Variants in PARD3 observed in about 807,000 individuals in gnomAD.
PARD3 encodes the protein partitioning defective 3 homolog.
A neutral mutation model predicts 155.4 loss-of-function variants in PARD3; 75 were observed. The ratio of observed to expected loss-of-function variants is 0.48; its 90% CI spans 0.40 to 0.58. The LOEUF (loss-of-function observed/expected upper bound fraction) is 0.58. Among genes scored for constraint, PARD3 ranks in the 20% least tolerant of loss-of-function variants. The pLI, the probability that PARD3 is intolerant of heterozygous loss-of-function variation, is 0.00. For synonymous variants in PARD3, 576 were observed against 610.5 expected (o/e 0.94, Z 0.83); for missense variants, 1,642 against 1,721.7 (o/e 0.95, Z 0.82).
At chr10:34,776,808 C>T (rs1839587195) in intron 1 of PARD3, among the ~76,000 whole-genome samples, 1 of 122,916 alleles carries the variant, frequency 8.1e-6, no homozygotes, top group South Asian at 2.6e-4. Context: ...GAGACTATTT[C>T]CAAGTATTTT....
At chr10:34,513,050 T>G (rs901791771) in intron 3 of PARD3, among the ~76,000 whole-genome samples, 4 of 152,184 alleles carry the variant, frequency 2.6e-5, no homozygotes. Context: ...CAAAAAAATA[T>G]ATTTATGGTC....
chr10:34,156,771 G>C (rs1949026121), intron 22 of PARD3, among the ~76,000 whole-genome samples: 1 of 152,108 alleles, frequency 6.6e-6, no homozygotes, highest in Non-Finnish European at 1.5e-5. Context: ...CTCTTCTCAT[G>C]AGACCAAACG....
In PARD3 at chr10:34,269,872, C is replaced by G. The variant is rs1955528423; in HGVS notation, c.3204G>C (p.Arg1068Ser). The G allele has an allele frequency of 6.2e-7, 1 of 1,613,530 alleles. No individual in the cohort carries two copies. The highest frequency in any genetic ancestry group is 1.3e-5 in the African/African-American group (1 of 74,902). The change falls in exon 22 of 25, where the codon AGG becomes AGC. Residue 1068 changes from arginine to serine, a missense_variant. By Grantham distance (110) the Arg-to-Ser change is moderately radical. Transcript: ENST00000374788. ...ERIQAKTREFRERQARERDYA... is the reference protein window; with the variant it reads ...ERIQAKTREFSERQARERDYA... ...AGTCACGCTCTCGAGCTTGTCGTTC[C>G]CTAAATTCTCGAGTTTTGGCTTGAA...
intron 1 of PARD3, among the ~76,000 whole-genome samples, chr10:34,770,787 T>C (rs1385704711): frequency 6.6e-6 from 1 of 152,144 alleles, no homozygotes; most frequent in Non-Finnish European, 1.5e-5. Context: ...TCACCTGCAA[T>C]GATGTAGAGA....
rs544189812 is a variant in PARD3 at position 34,306,031 on chromosome 10, C to T, written c.3065+11076G>A. ...AAATTAAGCTGGGCACGGTAGCTCA[C>T]GCCTGTAATCCCAGCACTTTGAGAG... On this transcript the variant is annotated intron_variant, in intron 20 of 24. Transcript: ENST00000374788. Among the ~76,000 whole-genome samples, 9 of 151,970 alleles carry T rather than the reference C, an allele frequency of 5.9e-5. No homozygotes were observed. The East Asian group carries it at 9.7e-4, about 16-fold the overall frequency.
At chr10:34,605,034 C>G (rs2132533592) in intron 2 of PARD3, among the ~76,000 whole-genome samples, 1 of 152,006 alleles carries the variant, frequency 6.6e-6, no homozygotes, top group African/African-American at 2.4e-5. Flanking sequence ...CACTGAGTTT[C>G]TCTTCTGGTG....
chr10:34,756,176 C>G lies in PARD3; in HGVS notation c.120+58700G>C, dbSNP rs1231585662. On this transcript the variant is annotated intron_variant, in intron 1 of 24. Transcript: ENST00000374788. ...TTTTTTTTTTTTTTTTTTTTTGAGA[C>G]GGAGTCTTACTCTGCTGCCCAGACT... Among the ~76,000 whole-genome samples, 88 of 81,570 alleles carry G rather than the reference C, an allele frequency of 1.1e-3. 2 individuals are homozygous for G. Among genetic ancestry groups the G allele is most frequent in the Non-Finnish European group, 9.2e-5 (4 of 43,384 alleles). The allele number at this position is 81,570 out of a possible 152,430, so 53.5% of individuals were successfully genotyped here.
At chr10:34,225,800 G>C (rs377105935) in intron 22 of PARD3, among the ~76,000 whole-genome samples, 1 of 152,120 alleles carries the variant, frequency 6.6e-6, no homozygotes, top group Non-Finnish European at 1.5e-5. Context: ...GAAAACATAA[G>C]AGAAAAATCC....
At chr10:34,400,984 T>C (rs959018315) in intron 6 of PARD3, among the ~76,000 whole-genome samples, 3 of 152,154 alleles carry the variant, frequency 2.0e-5, no homozygotes, top group Admixed American at 6.5e-5. Flanking sequence ...GGCAAGTACT[T>C]TACTAAATGT....
At chr10:34,305,319 T>C (rs923725031) in intron 20 of PARD3, among the ~76,000 whole-genome samples, 4 of 152,080 alleles carry the variant, frequency 2.6e-5, no homozygotes, top group African/African-American at 9.7e-5. Flanking sequence ...CTAGCAGCGG[T>C]AGTGAAAGGG....
chr10:34,438,882 T>G (rs759603162), intron 5 of PARD3, among the ~76,000 whole-genome samples: 3 of 152,024 alleles, frequency 2.0e-5, no homozygotes, highest in Admixed American at 1.3e-4. Context: ...GAAAGCTAAG[T>G]GGGAACCAAG....
At chr10:34,327,030 A>G (rs1835095749) in intron 19 of PARD3, among the ~76,000 whole-genome samples, 1 of 152,234 alleles carries the variant, frequency 6.6e-6, no homozygotes, top group South Asian at 2.1e-4. Flanking sequence ...AATTTCTGGC[A>G]ACTTTTAATT....
chr10:34,721,681 T>G (rs10827407), intron 1 of PARD3, among the ~76,000 whole-genome samples: 42,245 of 152,150 alleles, frequency 0.28, 7,214 homozygotes, highest in Non-Finnish European at 0.38. Flanking sequence ...AGACATAAGA[T>G]TCCCAGCTCT....
At chr10:34,698,481 T>C (rs1428255266) in intron 1 of PARD3, among the ~76,000 whole-genome samples, 2 of 152,188 alleles carry the variant, frequency 1.3e-5, no homozygotes, top group Non-Finnish European at 2.9e-5. Flanking sequence ...AGGCATCCTC[T>C]TCTCCAAGAG....
At chr10:34,569,034 T>C (rs947623040) in intron 2 of PARD3, among the ~76,000 whole-genome samples, 3 of 152,206 alleles carry the variant, frequency 2.0e-5, no homozygotes, top group Non-Finnish European at 4.4e-5. Flanking sequence ...GTAAAAGTAT[T>C]AAAAAATATT....
intron 1 of PARD3, among the ~76,000 whole-genome samples, chr10:34,738,348 G>C (rs559889738): frequency 6.6e-6 from 1 of 152,278 alleles, no homozygotes; most frequent in South Asian, 2.1e-4. Context: ...ATTTTCGTTT[G>C]TATTTTATTT....
chr10:34,357,327 C>G (rs141556401), intron 14 of PARD3, among the ~76,000 whole-genome samples: 28 of 152,246 alleles, frequency 1.8e-4, no homozygotes, highest in Non-Finnish European at 3.1e-4. Context: ...TAAGGTGATA[C>G]GTTGTCCAGT....
chr10:34,306,823 G>C (rs977546588), intron 20 of PARD3, among the ~76,000 whole-genome samples: 1 of 152,176 alleles, frequency 6.6e-6, no homozygotes, highest in African/African-American at 2.4e-5. Flanking sequence ...ATGAAGACTT[G>C]TCATAAATTG....
chr10:34,451,282 A>G (rs551419447), intron 4 of PARD3, among the ~76,000 whole-genome samples: 1 of 152,302 alleles, frequency 6.6e-6, no homozygotes, highest in African/African-American at 2.4e-5. Context: ...TTTTTAGTTC[A>G]AAGACGAAAT....
Sources: gnomAD v4.1 joint callset for allele counts (sites outside exome capture counted in the v4.1 genomes callset) on GRCh38, gnomAD v4.1.1 for gene constraint, MANE v1.5 for transcripts, NCBI Gene and HGNC (gene_info 2026-07-23, HGNC 2026-07-21) for gene names.